CKAP2L: variants seen among roughly 807,000 people sequenced by gnomAD.
CKAP2L encodes the protein cytoskeleton-associated protein 2-like.
CKAP2L carries 42 observed loss-of-function variants against 65.7 expected under a neutral mutation model. The ratio of observed to expected loss-of-function variants is 0.64; its 90% CI spans 0.50 to 0.83. The LOEUF (loss-of-function observed/expected upper bound fraction) is 0.83. Among genes scored for constraint, CKAP2L ranks in the 40% least tolerant of loss-of-function variants. The pLI is 0.00. For missense variants in CKAP2L, 908 were observed against 871.0 expected (o/e 1.04, Z -0.53); for synonymous variants, 325 against 313.5 (o/e 1.04, Z -0.39).
At chr2:112,757,263 T>G in intron 3 of CKAP2L, 49 bp from the exon 4 acceptor site, 1 of 1,286,266 alleles carries the variant, frequency 7.8e-7, no homozygotes, top group Non-Finnish European at 1.1e-6. Context: ...ACATATCTTA[T>G]TGTTTTTAAA....
chr2:112,736,378 T>C lies in CKAP2L; in HGVS notation c.*2445A>G, dbSNP rs1679171599. ...GGTGACAATTTTATTTTATTAGGTA[T>C]ATTTAAGATTTACAACATGATGTTA... On this transcript the variant is annotated 3_prime_UTR_variant, in exon 9 of 9. Transcript: ENST00000302450. Among the ~76,000 whole-genome samples, 1 of 152,216 alleles carries C rather than the reference T, an allele frequency of 6.6e-6. No individual in the cohort carries two copies. Among genetic ancestry groups the C allele is most frequent in the Admixed American group, 6.5e-5 (1 of 15,278 alleles).
intron 3 of CKAP2L, among the ~76,000 whole-genome samples, chr2:112,758,465 C>A (rs1680609236): frequency 6.6e-6 from 1 of 152,152 alleles, no homozygotes; most frequent in Non-Finnish European, 1.5e-5. Context: ...CTAACCAGAA[C>A]CATTTGGCAT....
chr2:112,743,691 G>C (rs1296150479), intron 6 of CKAP2L, among the ~76,000 whole-genome samples: 1 of 152,132 alleles, frequency 6.6e-6, no homozygotes, highest in Non-Finnish European at 1.5e-5. Flanking sequence ...GCCTGCCTCA[G>C]CCTCCCAAAG....
At chr2:112,746,135 A>C (rs1382898599) in intron 6 of CKAP2L, among the ~76,000 whole-genome samples, 1 of 152,228 alleles carries the variant, frequency 6.6e-6, no homozygotes, top group Non-Finnish European at 1.5e-5. Context: ...TTTAAGGAAA[A>C]GCATTATAAA....
Position 112,752,467 on chromosome 2 carries a change from G to A in CKAP2L, c.1402C>T (p.Leu468=), listed in dbSNP as rs1046097030. ...CCCTTAGATTTCTGCCATTCTTCTAGTTGTTTCCTGAAATTCAATTAAAGG... is the reference window on the plus strand; with the variant it reads ...CCCTTAGATTTCTGCCATTCTTCTAATTGTTTCCTGAAATTCAATTAAAGG... The part of the protein sequence containing the change: ...KATAEDRRKQ[L]EEWQKSKGKT... Residue 468 remains leucine, a synonymous_variant, in exon 5 of 9, where the codon CTA becomes TTA. Transcript: ENST00000302450. 1.3e-6 allele frequency: 2 copies of A among 1,595,498 alleles called. No homozygotes were observed. The highest frequency in any genetic ancestry group is 1.7e-6 in the Non-Finnish European group (2 of 1,170,600).
chr2:112,741,171 T>A (rs560983051), intron 7 of CKAP2L, among the ~76,000 whole-genome samples, 164 bp from the exon 8 acceptor site: 1 of 152,332 alleles, frequency 6.6e-6, no homozygotes, highest in African/African-American at 2.4e-5. Context: ...TAACTTGTTT[T>A]TTCACGTTAA....
At chr2:112,764,264 G>A (rs945739413) in intron 1 of CKAP2L, 38 of 486,312 alleles carry the variant, frequency 7.8e-5, no homozygotes, top group Middle Eastern at 5.6e-4. Flanking sequence ...ACCCGAGCAA[G>A]GGGCCTCAGT....
At position 112,742,779 on chromosome 2, in the gene CKAP2L, A is replaced by C; in HGVS notation, c.1759-10T>G. The C allele has an allele frequency of 1.3e-6, 2 of 1,598,752 alleles. No individual in the cohort carries two copies. The highest frequency in any genetic ancestry group is 1.7e-6 in the Non-Finnish European group (2 of 1,172,730). ...GCAACTCTTGTATTGGCTGGAAGGA[A>C]GGAAGAAAACATACAAAATCTTAAA... is the stretch of plus-strand genomic sequence containing the variant. On this transcript the variant is annotated splice_polypyrimidine_tract_variant and intron_variant, in intron 6 of 8. Coordinates refer to ENST00000302450, the MANE Select transcript of CKAP2L (RefSeq NM_152515.5).
intron 5 of CKAP2L, among the ~76,000 whole-genome samples, chr2:112,749,501 G>T (rs1187422409): frequency 2.0e-5 from 3 of 151,852 alleles, no homozygotes; most frequent in Non-Finnish European, 4.4e-5. Flanking sequence ...CATTTACCAA[G>T]AATGATCAGA....
Position 112,751,990 on chromosome 2 carries a change from T to G in CKAP2L, c.1602+277A>C, listed in dbSNP as rs1237523059. Reference sequence around the variant, plus strand: ...GGAGCCAGTTTGTTTGGATTAGTTTTCCAACTTCTTTGTGCCTCAGTTTTG... The same window carrying G: ...GGAGCCAGTTTGTTTGGATTAGTTTGCCAACTTCTTTGTGCCTCAGTTTTG... On this transcript the variant is annotated intron_variant, in intron 5 of 8. Transcript: ENST00000302450. 2.6e-5 allele frequency among the ~76,000 whole-genome samples: 4 copies of G among 152,228 alleles called. No homozygotes were observed. In the South Asian group the frequency reaches 8.3e-4, roughly 31 times the overall value.
intron 5 of CKAP2L, among the ~76,000 whole-genome samples, chr2:112,750,210 C>A (rs565840261): frequency 1.3e-5 from 2 of 152,176 alleles, no homozygotes; most frequent in Non-Finnish European, 2.9e-5. Flanking sequence ...CTGCTTCCTA[C>A]AGTTATCACA....
Position 112,743,206 on chromosome 2 carries a change from G to A in CKAP2L, c.1759-437C>T, listed in dbSNP as rs186149909. On this transcript the variant is annotated intron_variant, in intron 6 of 8. Transcript: ENST00000302450. ...GTCCCAGGCTGGAGTGCAGTGGCGCGATCTCGGCTCATTGCAAGCTCTGCC... is the reference window on the plus strand; with the variant it reads ...GTCCCAGGCTGGAGTGCAGTGGCGCAATCTCGGCTCATTGCAAGCTCTGCC... Among the ~76,000 whole-genome samples, 576 of 152,158 alleles carry A rather than the reference G, an allele frequency of 3.8e-3. 4 individuals carry two copies. Among genetic ancestry groups the A allele is most frequent in the Non-Finnish European group, 6.3e-3 (431 of 68,008 alleles).
At chr2:112,740,519 G>A (rs1679850668) in intron 8 of CKAP2L, among the ~76,000 whole-genome samples, 1 of 152,146 alleles carries the variant, frequency 6.6e-6, no homozygotes, top group African/African-American at 2.4e-5. Flanking sequence ...TTCTCCCACA[G>A]CTACAGAGTT....
chr2:112,764,479 C>CG (rs1357072930), intron 1 of CKAP2L, 83 bp downstream of exon 1: 5 of 1,477,404 alleles, frequency 3.4e-6, no homozygotes, highest in Non-Finnish European at 4.7e-6. Context: ...GCACCTCCCG[C>CG]GGGACGAACT....
intron 2 of CKAP2L, among the ~76,000 whole-genome samples, chr2:112,762,208 A>C (rs1253378725): frequency 6.6e-6 from 1 of 152,202 alleles, no homozygotes; most frequent in East Asian, 1.9e-4. Flanking sequence ...CAACTTCCCC[A>C]AGAAAAAAAA....
Position 112,756,657 on chromosome 2 carries a change from T to C in CKAP2L, c.714A>G (p.Lys238=), listed in dbSNP as rs1680550718. 1.9e-6 allele frequency: 3 copies of C among 1,605,076 alleles called. No homozygotes were observed. The highest frequency in any genetic ancestry group is 1.7e-4 in the Middle Eastern group (1 of 5,990). ...GKSSVNSAVL[K]DRVNKQFVGE... ...CAACAAATTGTTTATTAACCCTATCTTTCAGAACAGCACTATTAACTGAAC... is the reference window on the plus strand; with the variant it reads ...CAACAAATTGTTTATTAACCCTATCCTTCAGAACAGCACTATTAACTGAAC... The change falls in exon 4 of 9, where the codon AAA becomes AAG. Residue 238 remains lysine, a synonymous_variant. Coordinates refer to ENST00000302450, the MANE Select transcript of CKAP2L (RefSeq NM_152515.5).
chr2:112,759,008 C>A (rs939653091), intron 3 of CKAP2L, among the ~76,000 whole-genome samples: 1 of 152,180 alleles, frequency 6.6e-6, no homozygotes, highest in Non-Finnish European at 1.5e-5. Context: ...TAATATGTGG[C>A]CTTTTCTGTC....
intron 1 of CKAP2L, chr2:112,764,192 C>T (rs557910615): frequency 4.4e-5 from 13 of 295,464 alleles, no homozygotes; most frequent in South Asian, 4.1e-4. Context: ...AGGACCACGC[C>T]CGGCTCTGCC....
intron 5 of CKAP2L, among the ~76,000 whole-genome samples, chr2:112,747,200 C>T (rs1416443040): frequency 6.6e-6 from 1 of 152,072 alleles, no homozygotes; most frequent in Non-Finnish European, 1.5e-5. Context: ...AAGCAATCCT[C>T]CCACCTTAGC....
Sources: gnomAD v4.1 joint callset for allele counts (sites outside exome capture counted in the v4.1 genomes callset) on GRCh38, gnomAD v4.1.1 for gene constraint, MANE v1.5 for transcripts, NCBI Gene and HGNC (gene_info 2026-07-23, HGNC 2026-07-21) for gene names.